ZMYM2: variants seen among roughly 807,000 people sequenced by gnomAD.
ZMYM2 encodes zinc finger MYM-type protein 2.
ZMYM2 carries 56 observed loss-of-function variants against 162.8 expected under a neutral mutation model. The ratio of observed to expected loss-of-function variants is 0.34; its 90% CI spans 0.28 to 0.43. The LOEUF (loss-of-function observed/expected upper bound fraction) is 0.43, where lower values mean the gene tolerates loss of function less well. Ranked by LOEUF, ZMYM2 falls within the 20% of genes least tolerant of loss-of-function variation. The pLI is 1.00. For synonymous variants in ZMYM2, 510 were observed against 541.6 expected (o/e 0.94, Z 0.81); for missense variants, 1,275 against 1,621.8 (o/e 0.79, Z 3.67).
intron 12 of ZMYM2, 122 bp from the exon 13 acceptor site, chr13:20,051,308 ATAT>A: frequency 1.5e-6 from 1 of 662,316 alleles, no homozygotes; most frequent in Non-Finnish European, 2.2e-6. Flanking sequence ...CAAATGATTT[ATAT>A]TATAGTTCTA....
chr13:20,040,685 T>C (rs1825429987), intron 12 of ZMYM2, among the ~76,000 whole-genome samples: 1 of 152,198 alleles, frequency 6.6e-6, no homozygotes, highest in Non-Finnish European at 1.5e-5. Context: ...GTTCTTTTAG[T>C]TGTGATGTTA....
At chr13:19,912,292 G>GTTTTTTTTTTTTTTTTTTTTTGT in the ZMYM2 span, among the ~76,000 whole-genome samples, 1 of 75,714 alleles carries the variant, frequency 1.3e-5, no homozygotes, top group Non-Finnish European at 2.5e-5. Context: ...TGTTTTTTGG[G>GTTTTTTTTTTTTTTTTTTTTTGT]TTTTTTTTTT....
intron 3 of ZMYM2, among the ~76,000 whole-genome samples, chr13:20,000,263 A>G (rs1485596856): frequency 1.3e-5 from 2 of 152,214 alleles, no homozygotes; most frequent in African/African-American, 4.8e-5. Flanking sequence ...GAAAAGTTTG[A>G]AGCTAGTAAA....
At chr13:19,980,916 A>G (rs1027431866) in intron 2 of ZMYM2, among the ~76,000 whole-genome samples, 1 of 152,002 alleles carries the variant, frequency 6.6e-6, no homozygotes, top group Non-Finnish European at 1.5e-5. Context: ...ATGTTATTGA[A>G]TCTTGCTTTG....
chr13:19,924,225 A>G, the ZMYM2 span, among the ~76,000 whole-genome samples: 13 of 152,150 alleles, frequency 8.5e-5, no homozygotes, highest in Admixed American at 6.6e-5. Context: ...TTCTCTTTCT[A>G]TGAATTTGAC....
chr13:20,028,690 A>G (rs950679238), intron 9 of ZMYM2, among the ~76,000 whole-genome samples: 3 of 152,148 alleles, frequency 2.0e-5, no homozygotes, highest in African/African-American at 7.2e-5. Flanking sequence ...AATCACATCT[A>G]GATTACCCTT....
Position 20,034,368 on chromosome 13 carries a change from A to C in ZMYM2, c.2083A>C (p.Asn695His). The stretch of plus-strand genomic sequence containing the variant: ...GGAGAAGACTCTTCATGAAACAGTA[A>C]ATTTCTCTGGCGTTAAGAGACCTTT... ...QEEKTLHETV[N>H]FSGVKRPFCS... The change falls in exon 11 of 25, where the codon AAT becomes CAT. Residue 695 changes from asparagine to histidine, a missense_variant. Physicochemically the swap from Asn to His is moderately conservative, Grantham distance 68 (BLOSUM62 1). Around this residue, in one of 10 missense-constraint regions of ZMYM2, gnomAD observed 177 missense variants for 228.0 expected, o/e 0.78. Coordinates refer to ENST00000610343, the MANE Select transcript of ZMYM2 (RefSeq NM_197968.4). 2 of 1,606,590 alleles carry C rather than the reference A, an allele frequency of 1.2e-6. No individual in the cohort carries two copies. The highest frequency in any genetic ancestry group is 1.7e-6 in the Non-Finnish European group (2 of 1,177,324).
chr13:19,976,422 A>G (rs929438684), intron 2 of ZMYM2, among the ~76,000 whole-genome samples: 15 of 152,060 alleles, frequency 9.9e-5, no homozygotes, highest in African/African-American at 3.6e-4. Flanking sequence ...AAATTGTAAA[A>G]AAACAACATA....
the ZMYM2 span, among the ~76,000 whole-genome samples, chr13:19,898,469 G>A: frequency 6.6e-6 from 1 of 151,928 alleles, no homozygotes; most frequent in African/African-American, 2.4e-5. Flanking sequence ...TCCTGACCTC[G>A]TGATCCACCC....
At chr13:19,890,259 C>G in the ZMYM2 span, among the ~76,000 whole-genome samples, 1 of 151,766 alleles carries the variant, frequency 6.6e-6, no homozygotes, top group African/African-American at 2.4e-5. Flanking sequence ...CTCCACCTCC[C>G]AGGCTCAAGT....
chr13:19,952,077 G>C, the ZMYM2 span, among the ~76,000 whole-genome samples: 1 of 152,068 alleles, frequency 6.6e-6, no homozygotes, highest in Non-Finnish European at 1.5e-5. Context: ...AAATCCTGTT[G>C]TTTGTGACAA....
At chr13:19,909,990 C>T in the ZMYM2 span, among the ~76,000 whole-genome samples, 12 of 150,256 alleles carry the variant, frequency 8.0e-5, no homozygotes, top group Admixed American at 3.3e-4. Context: ...CCGAGGCGGG[C>T]GGATCACGAG....
intron 2 of ZMYM2, among the ~76,000 whole-genome samples, chr13:19,990,251 T>C (rs980892750): frequency 1.2e-4 from 19 of 152,260 alleles, no homozygotes; most frequent in African/African-American, 4.3e-4. Flanking sequence ...CTAGGTGCTC[T>C]GTAAATCTGT....
At chr13:19,969,979 CTCTGGTCTCAT>C in intron 2 of ZMYM2, 1 of 919,208 alleles carries the variant, frequency 1.1e-6, no homozygotes, top group Non-Finnish European at 1.3e-6. Context: ...CTTATTGGAT[CTCTGGTCTCAT>C]TTGCTTATTG....
chr13:20,005,372 T>C, intron 5 of ZMYM2, 133 bp downstream of exon 5: 1 of 616,756 alleles, frequency 1.6e-6, no homozygotes, highest in Non-Finnish European at 2.6e-6. Flanking sequence ...ATAAATATCC[T>C]ATTATGTAAT....
At chr13:19,871,454 C>T in the ZMYM2 span, among the ~76,000 whole-genome samples, 2 of 151,950 alleles carry the variant, frequency 1.3e-5, no homozygotes, top group African/African-American at 4.8e-5. Context: ...TGGGGTCATG[C>T]TCTATCGCCC....
intron 6 of ZMYM2, among the ~76,000 whole-genome samples, chr13:20,008,122 A>G (rs1950891686): frequency 6.6e-6 from 1 of 151,882 alleles, no homozygotes; most frequent in African/African-American, 2.4e-5. Flanking sequence ...ACTAACTATA[A>G]TTGTTGTTGT....
At chr13:19,949,652 G>T in the ZMYM2 span, among the ~76,000 whole-genome samples, 1 of 151,864 alleles carries the variant, frequency 6.6e-6, no homozygotes, top group Non-Finnish European at 1.5e-5. Flanking sequence ...ACTTTGGGAG[G>T]CCAAGACGGG....
At chr13:20,010,107 A>G (rs1456629929) in intron 6 of ZMYM2, among the ~76,000 whole-genome samples, 1 of 152,112 alleles carries the variant, frequency 6.6e-6, no homozygotes, top group Non-Finnish European at 1.5e-5. Flanking sequence ...TTTCTTGTAG[A>G]TATCTTAGTG....
Sources: gnomAD v4.1 joint callset for allele counts (sites outside exome capture counted in the v4.1 genomes callset) on GRCh38, gnomAD v4.1.1 for gene constraint, gnomAD v4.1.1 regional missense constraint, MANE v1.5 for transcripts, NCBI Gene and HGNC (gene_info 2026-07-23, HGNC 2026-07-21) for gene names.